The following IFT172 variants were observed in gnomAD, a reference collection of about 807,000 sequenced individuals.
IFT172 encodes the protein intraflagellar transport 172.
IFT172 carries 164 observed loss-of-function variants against 248.9 expected under a neutral mutation model. That is an observed-to-expected ratio of 0.66 (90% CI 0.58 to 0.75). The LOEUF (loss-of-function observed/expected upper bound fraction) is 0.75. Among genes scored for constraint, IFT172 ranks in the 30% least tolerant of loss-of-function variants. The pLI, the probability that IFT172 is intolerant of heterozygous loss-of-function variation, is 0.00. For synonymous variants in IFT172, 729 were observed against 791.6 expected (o/e 0.92, Z 1.33); for missense variants, 1,950 against 2,192.4 (o/e 0.89, Z 2.21).
Position 27,471,104 on chromosome 2 carries a change from A to C in IFT172, c.1525-9T>G, listed in dbSNP as rs1175737242. 6.2e-7 allele frequency: 1 copy of C among 1,603,532 alleles called. No homozygotes were observed. Among genetic ancestry groups the C allele is most frequent in the Non-Finnish European group, 8.5e-7 (1 of 1,177,548 alleles). On this transcript the variant is annotated splice_polypyrimidine_tract_variant and intron_variant, in intron 15 of 47. Coordinates refer to ENST00000260570, the MANE Select transcript of IFT172 (RefSeq NM_015662.3). ...ATATCATACAGATGCAACTGAAGAA[A>C]GAAAAGGCAGGTAACACAATTACAA...
At chr2:27,466,258 C>T (rs1388196823) in intron 16 of IFT172, among the ~76,000 whole-genome samples, 1 of 152,124 alleles carries the variant, frequency 6.6e-6, no homozygotes, top group Non-Finnish European at 1.5e-5. Context: ...ATATTCCCTA[C>T]CCATATCCTA....
chr2:27,469,996 G>A (rs1667429698), intron 16 of IFT172, among the ~76,000 whole-genome samples: 1 of 151,968 alleles, frequency 6.6e-6, no homozygotes, highest in African/African-American at 2.4e-5. Context: ...TTAACTACAT[G>A]TTAAACTTTC....
At chr2:27,455,712 G>GA (rs796604711) in intron 30 of IFT172, 151 of 339,456 alleles carry the variant, frequency 4.4e-4, no homozygotes, top group African/African-American at 8.3e-4. Flanking sequence ...CTCTGTCTCA[G>GA]AAAAAAAACA....
chr2:27,477,125 G>A, intron 13 of IFT172, 92 bp downstream of exon 13: 1 of 1,173,824 alleles, frequency 8.5e-7, no homozygotes, highest in Admixed American at 1.8e-5. Context: ...ACACCTGGCT[G>A]AAGCTTTTGG....
rs587777078 is a variant in IFT172 at position 27,445,435 on chromosome 2, TTC to T, written c.4927_4928del (p.Glu1643ArgfsTer23). 1.9e-6 allele frequency: 3 copies of T among 1,611,018 alleles called. No homozygotes were observed. Among genetic ancestry groups the T allele is most frequent in the East Asian group, 4.5e-5 (2 of 44,860 alleles). On this transcript the variant is annotated frameshift_variant, in exon 46 of 48. Coordinates refer to ENST00000260570, the MANE Select transcript of IFT172 (RefSeq NM_015662.3). LOFTEE classifies it high-confidence loss of function. The surrounding 1 kb of genome is among the most constrained non-coding windows in gnomAD (Gnocchi z 4.4). ...CTGTAAGCACCCAGTCTCGAACCTC[TTC>T]TCTCTCAGCCTCCTGGAAAGGACAA... ...AKQHVPEAER[E>X]EVRDWVLTVS...
Position 27,461,098 on chromosome 2 carries a change from T to A in IFT172, c.2443-5A>T, listed in dbSNP as rs1666623985. 6.2e-7 allele frequency: 1 copy of A among 1,614,164 alleles called. No individual in the cohort carries two copies. Among genetic ancestry groups the A allele is most frequent in the Non-Finnish European group, 8.5e-7 (1 of 1,180,026 alleles). ...CTTCTCAAAGAGATCACCTGCCTGT[T>A]AACACATACCACATTACTATGATAC... is the stretch of plus-strand genomic sequence containing the variant. On this transcript the variant is annotated splice_region_variant and splice_polypyrimidine_tract_variant and intron_variant, in intron 22 of 47. Coordinates refer to ENST00000260570, the MANE Select transcript of IFT172 (RefSeq NM_015662.3).
In IFT172 at chr2:27,485,474, A is replaced by G; in HGVS notation, c.69T>C (p.Ala23=). ...CAAATTTGGCATTGTTCTGGGACCA[A>G]GCCATGCAGGTCACCTTTGCAGCTC... ...QDGAAKVTCM[A]WSQNNAKFAV... is the part of the protein sequence containing the mutation. Residue 23 remains alanine, a synonymous_variant, in exon 2 of 48, where the codon GCT becomes GCC. Coordinates refer to ENST00000260570, the MANE Select transcript of IFT172 (RefSeq NM_015662.3). The G allele has an allele frequency of 6.2e-7, 1 of 1,614,100 alleles. No individual in the cohort carries two copies. The highest frequency in any genetic ancestry group is 8.5e-7 in the Non-Finnish European group (1 of 1,179,936).
In IFT172 at chr2:27,459,420, A is replaced by G; in HGVS notation, c.2745T>C (p.Tyr915=). The change falls in exon 25 of 48, where the codon TAT becomes TAC. Residue 915 remains tyrosine, a synonymous_variant. Transcript: ENST00000260570. ...LQDRNTASKY[Y]PLVAQHYASL... ...ATGCATAGTGTTGGGCCACGAGAGG[A>G]TAGTATTTGGATGCAGTGTTCCGGT... 6.2e-7 allele frequency: 1 copy of G among 1,614,098 alleles called. No individual in the cohort carries two copies. Among genetic ancestry groups the G allele is most frequent in the Non-Finnish European group, 8.5e-7 (1 of 1,180,032 alleles).
At chr2:27,460,842 T>A (rs1666599291) in intron 23 of IFT172, among the ~76,000 whole-genome samples, 173 bp downstream of exon 23, 1 of 144,816 alleles carries the variant, frequency 6.9e-6, no homozygotes. Flanking sequence ...CGGGTCCCCT[T>A]ATTTCTTTCT....
intron 10 of IFT172, among the ~76,000 whole-genome samples, chr2:27,479,163 C>A (rs1042408636): frequency 1.1e-4 from 17 of 152,160 alleles, no homozygotes; most frequent in African/African-American, 4.1e-4. Context: ...CGCCACAACG[C>A]CCGGCTAATT....
At chr2:27,455,549 AAG>A in intron 30 of IFT172, 1 of 204,680 alleles carries the variant, frequency 4.9e-6, no homozygotes, top group Non-Finnish European at 9.8e-6. Context: ...TCTACTAAAA[AAG>A]TACAAAAAAA....
chr2:27,470,704 G>A (rs913945409), intron 16 of IFT172: 7 of 392,338 alleles, frequency 1.8e-5, no homozygotes, highest in East Asian at 1.2e-4. Flanking sequence ...GTGACTTCCC[G>A]GGGCCACTGT....
At chr2:27,447,490 G>A (rs1665249002) in intron 42 of IFT172, 25 bp downstream of exon 42, 1 of 1,611,000 alleles carries the variant, frequency 6.2e-7, no homozygotes, top group Non-Finnish European at 8.5e-7. Context: ...CTGACTGAGT[G>A]TTCCTTCGAC....
intron 35 of IFT172, chr2:27,453,065 C>G (rs1665826007): frequency 2.5e-6 from 1 of 407,054 alleles, no homozygotes; most frequent in Non-Finnish European, 4.8e-6. Flanking sequence ...TTCCTGACCC[C>G]TCTAGCCCAC....
intron 14 of IFT172, among the ~76,000 whole-genome samples, chr2:27,475,034 G>A (rs1022122656): frequency 6.6e-6 from 1 of 152,112 alleles, no homozygotes; most frequent in African/African-American, 2.4e-5. Context: ...AATCAATGAG[G>A]AAGAGACACT....
rs1668052948 is a variant in IFT172 at position 27,477,545 on chromosome 2, C to A, written c.1221+14G>T. On this transcript the variant is annotated intron_variant, in intron 12 of 47. Transcript: ENST00000260570. ...GCTTATCAAGATGGTGATGGTGAAT[C>A]AAGCTCTACTCACATTCTCATTTTC... 1 of 1,581,118 alleles carries A rather than the reference C, an allele frequency of 6.3e-7. No homozygotes were observed. Among genetic ancestry groups the A allele is most frequent in the Non-Finnish European group, 8.7e-7 (1 of 1,149,790 alleles).
chr2:27,446,116 A>C (rs1041663658), intron 43 of IFT172, 128 bp from the exon 44 acceptor site: 21 of 1,383,242 alleles, frequency 1.5e-5, no homozygotes, highest in Non-Finnish European at 2.1e-5. Flanking sequence ...TCCAGGGAGA[A>C]AAATCCAGGA....
intron 30 of IFT172, chr2:27,455,282 A>C (rs1666060470): frequency 2.9e-6 from 1 of 342,906 alleles, no homozygotes; most frequent in Admixed American, 3.8e-5. Context: ...TGTGATGCTG[A>C]AGTATGGTAA....
chr2:27,460,098 C>T (rs1256485525), intron 23 of IFT172, among the ~76,000 whole-genome samples: 1 of 151,438 alleles, frequency 6.6e-6, no homozygotes, highest in East Asian at 1.9e-4. Context: ...TTCTGTTAAT[C>T]TATAACCTTA....
Sources: allele counts gnomAD v4.1 joint callset (sites outside exome capture counted in the v4.1 genomes callset), GRCh38; gene constraint gnomAD v4.1.1; non-coding constraint Gnocchi (gnomAD v3.1); transcripts MANE v1.5; gene names NCBI Gene and HGNC (gene_info 2026-07-23, HGNC 2026-07-21).